NBR1: variants seen among roughly 807,000 people sequenced by gnomAD.
NBR1 encodes the protein next to BRCA1 gene 1 protein.
NBR1 carries 59 observed loss-of-function variants against 115.5 expected under a neutral mutation model. The observed-to-expected ratio is 0.51, with a 90% CI of 0.41 to 0.63. The LOEUF is 0.63. Ranked by LOEUF, NBR1 falls within the 30% of genes least tolerant of loss-of-function variation. NBR1 has a pLI of 0.00. For missense variants in NBR1, 1,043 were observed against 1,150.5 expected (o/e 0.91, Z 1.35); for synonymous variants, 373 against 414.7 (o/e 0.90, Z 1.22).
At position 43,190,602 on chromosome 17, in the gene NBR1, C is replaced by G. The variant is rs770859382; in HGVS notation, c.696-7C>G. The G allele has an allele frequency of 1.3e-6, 2 of 1,567,216 alleles. No individual in the cohort carries two copies. The highest frequency in any genetic ancestry group is 1.2e-5 in the South Asian group (1 of 85,590). On this transcript the variant is annotated splice_region_variant and splice_polypyrimidine_tract_variant and intron_variant, in intron 8 of 20. Transcript: ENST00000590996. ...CCATTGTGTATTGTGCCATTCTTTC[C>G]CCACAGCCTATGCCCATCCTACAAT...
At chr17:43,206,369 G>C (rs947201494) in intron 20 of NBR1, among the ~76,000 whole-genome samples, 1 of 150,950 alleles carries the variant, frequency 6.6e-6, no homozygotes, top group Non-Finnish European at 1.5e-5. Context: ...AGCCAGTAAA[G>C]AAATCCAGTT....
In NBR1 at chr17:43,189,608, C is replaced by T. The variant is rs36054317; in HGVS notation, c.501C>T (p.Asn167=). 2.6e-3 allele frequency: 4,116 copies of T among 1,613,794 alleles called. 93 individuals carry two copies. In the African/African-American group the frequency reaches 0.047, roughly 18 times the overall value. ...YLETFREQVV[N]ETVEKLEQKL... ...TCTAGTTCAGAGAACAAGTGGTTAA[C>T]GAAACGGTTGAGAAGCTTGAACAGA... Residue 167 remains asparagine (N), a synonymous_variant, in exon 8 of 21, where the codon AAC becomes AAT. Coordinates refer to ENST00000590996, the MANE Select transcript of NBR1 (RefSeq NM_005899.5).
chr17:43,181,965 CAA>C (rs1053075625), intron 5 of NBR1, among the ~76,000 whole-genome samples: 3 of 151,566 alleles, frequency 2.0e-5, no homozygotes, highest in Non-Finnish European at 2.9e-5. Context: ...GCCTGGGCAA[CAA>C]GAGGGAAACT....
At position 43,189,095 on chromosome 17, in the gene NBR1, C is replaced by G. The variant is rs1468342796; in HGVS notation, c.456C>G (p.Asp152Glu). ...DTDQPQDKPP[D>E]WFTSYLETFR... ...ACCAGCCTCAAGACAAGCCCCCAGACTGGTTCACAAGCTACCTGGAGACGG... is the reference window on the plus strand; with the variant it reads ...ACCAGCCTCAAGACAAGCCCCCAGAGTGGTTCACAAGCTACCTGGAGACGG... Residue 152 changes from aspartate to glutamate, a missense_variant, in exon 7 of 21, where the codon GAC (aspartate) becomes GAG (glutamate). Asp to Glu is a conservative substitution (Grantham distance 45). Coordinates refer to ENST00000590996, the MANE Select transcript of NBR1 (RefSeq NM_005899.5). The G allele has an allele frequency of 6.2e-7, 1 of 1,612,826 alleles. No individual in the cohort carries two copies.
At chr17:43,201,601 G>T in intron 17 of NBR1, 85 bp from the exon 18 acceptor site, 1 of 764,902 alleles carries the variant, frequency 1.3e-6, no homozygotes. Flanking sequence ...AGAGAATTTG[G>T]CACTGCTGTG....
intron 4 of NBR1, 35 bp from the exon 5 acceptor site, chr17:43,180,760 A>G: frequency 7.0e-7 from 1 of 1,438,234 alleles, no homozygotes. Flanking sequence ...GGGTGTGTGA[A>G]GAAGTATCAT....
At chr17:43,174,434 A>G (rs1421411290) in intron 1 of NBR1, among the ~76,000 whole-genome samples, 1 of 152,012 alleles carries the variant, frequency 6.6e-6, no homozygotes, top group Non-Finnish European at 1.5e-5. Flanking sequence ...CGTCTCTACT[A>G]AAAATACAAA....
intron 16 of NBR1, among the ~76,000 whole-genome samples, chr17:43,199,018 A>T (rs560449583): frequency 6.6e-6 from 1 of 152,148 alleles, no homozygotes; most frequent in Non-Finnish European, 1.5e-5. Context: ...GTACAAATAC[A>T]TAACAAAAAG....
rs2057418892 is a variant in NBR1 at position 43,211,675 on chromosome 17, C to T, written c.*1601C>T. ...CCTAAAGAATGGTGAAATAAATGTT[C>T]TTGGAAATTCCTACCCGGACTGGCT... On this transcript the variant is annotated 3_prime_UTR_variant, in exon 21 of 21. Coordinates refer to ENST00000590996, the MANE Select transcript of NBR1 (RefSeq NM_005899.5). The T allele has an allele frequency of 6.6e-6, 1 of 151,906 alleles. No individual in the cohort carries two copies. Among genetic ancestry groups the T allele is most frequent in the Non-Finnish European group, 1.5e-5 (1 of 67,984 alleles). 9.4% of individuals were successfully genotyped at this position (151,906 alleles called of 1,614,324 possible). A position where few individuals can be genotyped will look rare whatever the true frequency, so the allele number is the denominator to read the frequency against.
chr17:43,174,939 C>CA lies in NBR1; in HGVS notation c.-9-835dup, dbSNP rs772007886. Among the ~76,000 whole-genome samples, 801 of 89,224 alleles carry CA rather than the reference C, an allele frequency of 9.0e-3. 2 individuals are homozygous for CA. Among genetic ancestry groups the CA allele is most frequent in the African/African-American group, 0.013 (315 of 23,474 alleles). 58.5% of individuals were successfully genotyped at this position (89,224 alleles called of 152,430 possible). On this transcript the variant is annotated intron_variant, in intron 1 of 20. Coordinates refer to ENST00000590996, the MANE Select transcript of NBR1 (RefSeq NM_005899.5). ...TGAAACCCCGTCCCTACCAAAAATA[C>CA]AAAAAAAAAAAAAAAAATTAGCCGG... is the stretch of plus-strand genomic sequence containing the variant.
chr17:43,190,863 C>T, intron 9 of NBR1, 87 bp downstream of exon 9: 2 of 1,283,034 alleles, frequency 1.6e-6, no homozygotes, highest in African/African-American at 1.5e-5. Context: ...TACAGATAGT[C>T]TCCTTAGTTC....
chr17:43,203,913 G>T, intron 20 of NBR1, 127 bp downstream of exon 20: 3 of 444,324 alleles, frequency 6.8e-6, no homozygotes, highest in South Asian at 4.4e-5. Flanking sequence ...TTAGTCTTTA[G>T]TTAACACACA....
chr17:43,182,038 A>G (rs2056680559), intron 5 of NBR1, among the ~76,000 whole-genome samples: 2 of 151,020 alleles, frequency 1.3e-5, no homozygotes, highest in Non-Finnish European at 2.9e-5. Flanking sequence ...TTTTTCCTAA[A>G]GAGGCTGGGT....
upstream of NBR1, chr17:43,170,567 C>T (rs2056327238): frequency 6.5e-6 from 1 of 153,056 alleles, no homozygotes; most frequent in Admixed American, 6.5e-5. Context: ...AAGAAGAGGT[C>T]CCATTACCCC....
chr17:43,206,597 G>C (rs2057322885), intron 20 of NBR1, among the ~76,000 whole-genome samples: 1 of 151,908 alleles, frequency 6.6e-6, no homozygotes, highest in Non-Finnish European at 1.5e-5. Context: ...AGAGGTTGCA[G>C]TGAGCTGAAA....
intron 16 of NBR1, among the ~76,000 whole-genome samples, chr17:43,198,713 G>A (rs946015258): frequency 6.6e-6 from 1 of 151,870 alleles, no homozygotes; most frequent in East Asian, 1.9e-4. Flanking sequence ...TGTAATCCCA[G>A]CACGTTGGGA....
At chr17:43,190,848 A>G in intron 9 of NBR1, 72 bp downstream of exon 9, 1 of 1,411,014 alleles carries the variant, frequency 7.1e-7, no homozygotes, top group South Asian at 1.4e-5. Context: ...TATGAATCAC[A>G]AAACTACAGA....
intron 8 of NBR1, chr17:43,190,093 C>CTTT (rs34682023): frequency 1.3e-3 from 268 of 214,202 alleles, no homozygotes; most frequent in South Asian, 3.3e-3. Flanking sequence ...TTCCAAATGC[C>CTTT]TTTTTTTTTT....
Position 43,201,761 on chromosome 17 carries a change from C to T in NBR1, c.2544C>T (p.Val848=). The T allele has an allele frequency of 6.3e-7, 1 of 1,593,244 alleles. No individual in the cohort carries two copies. Among genetic ancestry groups the T allele is most frequent in the South Asian group, 1.1e-5 (1 of 90,504 alleles). ...LPVTIPEVSS[V]PDQIRGEPRG... ...TTACCATACCAGAAGTTTCTTCAGT[C>T]CCTGATCAGATCAGAGGAGGTAATG... The change falls in exon 18 of 21, where the codon GTC becomes GTT. Residue 848 remains valine (V), a synonymous_variant. Transcript: ENST00000590996.
Sources: gnomAD v4.1 joint callset for allele counts (sites outside exome capture counted in the v4.1 genomes callset) on GRCh38, gnomAD v4.1.1 for gene constraint, MANE v1.5 for transcripts, NCBI Gene and HGNC (gene_info 2026-07-23, HGNC 2026-07-21) for gene names.